The following IL7R variants were observed in gnomAD, a reference collection of about 807,000 sequenced individuals.
The protein encoded by IL7R is interleukin-7 receptor subunit alpha.
Under a neutral mutation model 47.0 loss-of-function variants are expected in IL7R, and 38 were observed. The observed-to-expected ratio is 0.81, with a 90% CI of 0.62 to 1.06. The LOEUF (loss-of-function observed/expected upper bound fraction) is 1.06. Among genes scored for constraint, IL7R ranks in the 50% least tolerant of loss-of-function variants. The probability of loss-of-function intolerance (pLI) is 0.00; values close to 1 mark genes in which losing one functional copy is unlikely to be tolerated. For missense variants in IL7R, 633 were observed against 534.8 expected (o/e 1.18, Z -1.81); for synonymous variants, 221 against 199.8 (o/e 1.11, Z -0.89).
intron 1 of IL7R, 63 bp from the exon 2 acceptor site, chr5:35,860,789 G>A (rs1207497812): frequency 1.5e-5 from 22 of 1,497,510 alleles, no homozygotes; most frequent in Non-Finnish European, 1.9e-5. Flanking sequence ...TTAAGGTCAT[G>A]CCATATTTCA....
At chr5:35,861,749 A>G (rs1031809115) in intron 2 of IL7R, among the ~76,000 whole-genome samples, 3 of 152,182 alleles carry the variant, frequency 2.0e-5, no homozygotes, top group African/African-American at 7.2e-5. Flanking sequence ...AGGGAACTTT[A>G]TCTTCTCCTT....
At position 35,856,958 on chromosome 5, in the gene IL7R, CTCTCTCTA is replaced by C; in HGVS notation, c.-12_-5del. On this transcript the variant is annotated 5_prime_UTR_variant, in exon 1 of 8. Coordinates refer to ENST00000303115, the MANE Select transcript of IL7R (RefSeq NM_002185.5). Reference sequence around the variant, plus strand: ...ACACACTGGCTCACACATCTACTCTCTCTCTCTATCTCTCTCAGAATGACAATTCTAGG... The same window carrying C: ...ACACACTGGCTCACACATCTACTCTCTCTCTCTCAGAATGACAATTCTAGG... 2 of 1,407,934 alleles carry C rather than the reference CTCTCTCTA, an allele frequency of 1.4e-6. No individual in the cohort carries two copies. Among genetic ancestry groups the C allele is most frequent in the Non-Finnish European group, 2.0e-6 (2 of 995,316 alleles). The allele number at this position is 1,407,934 out of a possible 1,614,324, so 87.2% of individuals were successfully genotyped here. A position where few individuals can be genotyped will look rare whatever the true frequency, so the allele number is the denominator to read the frequency against.
At position 35,867,220 on chromosome 5, in the gene IL7R, C is replaced by T. The variant is rs184042207; in HGVS notation, c.222-86C>T. Reference sequence around the variant, plus strand: ...ACCTATGAACAGAGTTAAAGTCAAACATACATCAATGTGCATATGATACTA... The same window carrying T: ...ACCTATGAACAGAGTTAAAGTCAAATATACATCAATGTGCATATGATACTA... On this transcript the variant is annotated intron_variant, in intron 2 of 7. Coordinates refer to ENST00000303115, the MANE Select transcript of IL7R (RefSeq NM_002185.5). The T allele has an allele frequency of 1.7e-5, 21 of 1,230,024 alleles. No individual in the cohort carries two copies. The East Asian group carries it at 4.0e-4, about 23-fold the overall frequency. 76.2% of individuals were successfully genotyped at this position (1,230,024 alleles called of 1,614,324 possible).
intron 7 of IL7R, 185 bp downstream of exon 7, chr5:35,875,772 G>T: frequency 1.3e-6 from 1 of 750,340 alleles, no homozygotes; most frequent in South Asian, 1.6e-5. Flanking sequence ...CAGAACTTCT[G>T]GGCTCCCTGG....
At position 35,879,517 on chromosome 5, in the gene IL7R, A is replaced by G. The variant is rs1383680879; in HGVS notation, c.*3031A>G. 4.3e-6 allele frequency: 1 copy of G among 231,052 alleles called. No homozygotes were observed. The highest frequency in any genetic ancestry group is 8.6e-6 in the Non-Finnish European group (1 of 116,706). The allele number at this position is 231,052 out of a possible 1,614,324, so 14.3% of individuals were successfully genotyped here. A position where few individuals can be genotyped will look rare whatever the true frequency, so the allele number is the denominator to read the frequency against. On this transcript the variant is annotated 3_prime_UTR_variant, in exon 8 of 8. Transcript: ENST00000303115. ...TAACCGTGTACTATCCACATGCATT[A>G]CAAACATTTCGCAGAGCTGCTTAGT...
chr5:35,875,828 C>T, intron 7 of IL7R, 155 bp from the exon 8 acceptor site: 2 of 895,248 alleles, frequency 2.2e-6, no homozygotes, highest in Non-Finnish European at 1.8e-6. Context: ...TGAAGTGTCT[C>T]AGAAGCTCCA....
intron 6 of IL7R, 151 bp downstream of exon 6, chr5:35,874,693 C>T: frequency 1.4e-6 from 1 of 722,200 alleles, no homozygotes; most frequent in Non-Finnish European, 2.6e-6. Context: ...CAGCGAATTT[C>T]CACAGTTAAT....
intron 1 of IL7R, 70 bp downstream of exon 1, chr5:35,857,129 C>T: frequency 2.1e-6 from 2 of 963,190 alleles, no homozygotes; most frequent in Non-Finnish European, 1.7e-6. Flanking sequence ...ATTCAGTTCC[C>T]TAACAGACCT....
At position 35,864,982 on chromosome 5, in the gene IL7R, T is replaced by C. The variant is rs142961145; in HGVS notation, c.222-2324T>C. ...TAGTTTTTTTAATTATTATTATACT[T>C]TAAGTTCTAGGGTACATGTGCACAA... On this transcript the variant is annotated intron_variant, in intron 2 of 7. Coordinates refer to ENST00000303115, the MANE Select transcript of IL7R (RefSeq NM_002185.5). Among the ~76,000 whole-genome samples the C allele has an allele frequency of 6.3e-3, 958 of 152,252 alleles. 16 individuals carry two copies. The highest frequency in any genetic ancestry group is 0.055 in the East Asian group (283 of 5,176).
At chr5:35,868,398 A>C (rs1319734540) in intron 3 of IL7R, among the ~76,000 whole-genome samples, 2 of 152,212 alleles carry the variant, frequency 1.3e-5, no homozygotes, top group African/African-American at 4.8e-5. Context: ...TGTTTCACTA[A>C]GATGATAAAA....
Position 35,876,275 on chromosome 5 carries a change from G to A in IL7R, c.1169G>A (p.Cys390Tyr), listed in dbSNP as rs370396298. 1.2e-6 allele frequency: 2 copies of A among 1,614,048 alleles called. No homozygotes were observed. The highest frequency in any genetic ancestry group is 8.5e-7 in the Non-Finnish European group (1 of 1,179,950). Residue 390 changes from cysteine to tyrosine, a missense_variant, in exon 8 of 8, where the codon TGC becomes TAC. Cys to Tyr is a radical substitution (Grantham distance 194). Coordinates refer to ENST00000303115, the MANE Select transcript of IL7R (RefSeq NM_002185.5). ...CTCTCCTCTTCCAGGTCCCTAGACT[G>A]CAGGGAGAGTGGCAAGAATGGGCCT... ...PILSSSRSLD[C>Y]RESGKNGPHV...
At position 35,879,140 on chromosome 5, in the gene IL7R, G is replaced by C. The variant is rs1760290429; in HGVS notation, c.*2654G>C. On this transcript the variant is annotated 3_prime_UTR_variant, in exon 8 of 8. Coordinates refer to ENST00000303115, the MANE Select transcript of IL7R (RefSeq NM_002185.5). ...TATTAATCAGAAGTGTAAACTGCCA[G>C]TTCTATATAGCATGAAATGAAAAGA... 2 of 232,894 alleles carry C rather than the reference G, an allele frequency of 8.6e-6. No homozygotes were observed. Among genetic ancestry groups the C allele is most frequent in the African/African-American group, 4.4e-5 (2 of 45,316 alleles). 14.4% of individuals were successfully genotyped at this position (232,894 alleles called of 1,614,324 possible).
intron 7 of IL7R, 192 bp downstream of exon 7, chr5:35,875,779 C>T: frequency 2.6e-6 from 2 of 766,974 alleles, no homozygotes; most frequent in Middle Eastern, 3.0e-4. Context: ...TCTGGGCTCC[C>T]TGGGGCTGGA....
Position 35,860,922 on chromosome 5 carries a change from G to A in IL7R, c.153G>A (p.Ser51=), listed in dbSNP as rs149235072. The part of the protein sequence containing the change: ...SCYSQLEVNG[S]QHSLTCAFED... ...ATAGCCAGTTGGAAGTGAATGGATC[G>A]CAGCACTCACTGACCTGTGCTTTTG... Residue 51 remains serine, a synonymous_variant, in exon 2 of 8, where the codon TCG becomes TCA. Transcript: ENST00000303115. 3,382 of 1,613,122 alleles carry A rather than the reference G, an allele frequency of 2.1e-3. 69 individuals are homozygous for A. The South Asian group carries it at 0.029, about 14-fold the overall frequency.
At chr5:35,873,154 TC>T (rs1390699274) in intron 4 of IL7R, 1 of 338,366 alleles carries the variant, frequency 3.0e-6, no homozygotes, top group Non-Finnish European at 5.7e-6. Context: ...ACCTTTCATC[TC>T]CCCTTAATAT....
chr5:35,866,568 T>TTAA (rs1759945593), intron 2 of IL7R, among the ~76,000 whole-genome samples: 1 of 152,158 alleles, frequency 6.6e-6, no homozygotes, highest in South Asian at 2.1e-4. Context: ...GATAATAAGT[T>TTAA]TAATTTCTTT....
intron 2 of IL7R, among the ~76,000 whole-genome samples, chr5:35,864,322 G>A (rs11567719): frequency 0.027 from 4,139 of 151,890 alleles, 141 homozygotes; most frequent in African/African-American, 0.074. Context: ...TTATTTTTTA[G>A]GTTGCTGTTC....
In IL7R at chr5:35,876,699, G is replaced by T; in HGVS notation, c.*213G>T. 1 of 605,186 alleles carries T rather than the reference G, an allele frequency of 1.7e-6. No homozygotes were observed. Among genetic ancestry groups the T allele is most frequent in the Non-Finnish European group, 2.9e-6 (1 of 341,284 alleles). The allele number at this position is 605,186 out of a possible 1,614,324, so 37.5% of individuals were successfully genotyped here. A position where few individuals can be genotyped will look rare whatever the true frequency, so the allele number is the denominator to read the frequency against. On this transcript the variant is annotated 3_prime_UTR_variant, in exon 8 of 8. Coordinates refer to ENST00000303115, the MANE Select transcript of IL7R (RefSeq NM_002185.5). ...AAGAGCATCCTGCTTCTACCATGTG[G>T]ATTTGGTCACAAGGTTTAAGGTGAC...
Position 35,877,321 on chromosome 5 carries a change from C to T in IL7R, c.*835C>T, listed in dbSNP as rs1438112549. ...TATGAGAAAGAAAGAGGGGGAGAAA[C>T]AGTCTTGCGGGTGTGAAGTCCCATG... On this transcript the variant is annotated 3_prime_UTR_variant, in exon 8 of 8. Coordinates refer to ENST00000303115, the MANE Select transcript of IL7R (RefSeq NM_002185.5). The T allele has an allele frequency of 4.3e-6, 1 of 233,048 alleles. No homozygotes were observed. Among genetic ancestry groups the T allele is most frequent in the Admixed American group, 5.6e-5 (1 of 17,770 alleles). The allele number at this position is 233,048 out of a possible 1,614,324, so 14.4% of individuals were successfully genotyped here. A position where few individuals can be genotyped will look rare whatever the true frequency, so the allele number is the denominator to read the frequency against.
Sources: allele counts gnomAD v4.1 joint callset (sites outside exome capture counted in the v4.1 genomes callset), GRCh38; gene constraint gnomAD v4.1.1; transcripts MANE v1.5; gene names NCBI Gene and HGNC (gene_info 2026-07-23, HGNC 2026-07-21).